Variants in ZNF76 observed in about 807,000 individuals in gnomAD.
ZNF76 encodes zinc finger protein 76.
In ZNF76, 66 loss-of-function variants were observed where a neutral mutation model predicts 66.9. That is an observed-to-expected ratio of 0.99 (90% CI 0.81 to 1.21). The LOEUF is 1.21. Among genes scored for constraint, ZNF76 ranks in the 50% most tolerant of loss-of-function variants. The pLI is 0.00. For missense variants in ZNF76, 729 were observed against 760.3 expected (o/e 0.96, Z 0.48); for synonymous variants, 275 against 296.1 (o/e 0.93, Z 0.73).
chr6:35,260,900 C>A (rs957046399), intron 1 of ZNF76, among the ~76,000 whole-genome samples: 5 of 152,164 alleles, frequency 3.3e-5, no homozygotes, highest in Admixed American at 2.0e-4. Flanking sequence ...CATCATGAAC[C>A]TTACTCCCTC....
At chr6:35,288,006 C>T in intron 5 of ZNF76, 161 bp downstream of exon 5, 3 of 808,434 alleles carry the variant, frequency 3.7e-6, no homozygotes, top group Middle Eastern at 2.2e-4. Context: ...CACCCCAGCT[C>T]CCCCAACTCA....
chr6:35,262,361 C>A (rs1403086767), intron 1 of ZNF76, among the ~76,000 whole-genome samples: 4 of 152,160 alleles, frequency 2.6e-5, no homozygotes, highest in African/African-American at 9.7e-5. Flanking sequence ...GTGAGAGTGA[C>A]CTTCCTACTG....
chr6:35,261,597 A>G (rs1785262875), intron 1 of ZNF76, among the ~76,000 whole-genome samples: 1 of 151,700 alleles, frequency 6.6e-6, no homozygotes. Flanking sequence ...CCCACAGTTT[A>G]AAAAAACAAA....
intron 11 of ZNF76, among the ~76,000 whole-genome samples, chr6:35,293,449 C>T (rs1790735048): frequency 6.6e-6 from 1 of 152,160 alleles, no homozygotes; most frequent in Admixed American, 6.5e-5. Flanking sequence ...CGTACCCTTG[C>T]TAGAAAGTAC....
chr6:35,293,727 C>G (rs1790770122), intron 11 of ZNF76, 24 bp from the exon 12 acceptor site: 1 of 1,610,852 alleles, frequency 6.2e-7, no homozygotes, highest in Non-Finnish European at 8.5e-7. Context: ...ACACTGCCAG[C>G]TCATCTTCCC....
chr6:35,294,492 G>C lies in ZNF76; in HGVS notation c.1531G>C (p.Asp511His). The change falls in exon 13 of 14, where the codon GAC becomes CAC. Residue 511 changes from aspartate to histidine, a missense_variant. By Grantham distance (81) the Asp-to-His change is moderately conservative. Transcript: ENST00000373953. ...IITSGAVVAE[D>H]SSVASLRHQQ... ...TACCTCTGGGGCTGTGGTGGCTGAG[G>C]ACTCAAGTGTAGCATCTCTTCGTCA... 1 of 1,614,074 alleles carries C rather than the reference G, an allele frequency of 6.2e-7. No homozygotes were observed. Among genetic ancestry groups the C allele is most frequent in the Middle Eastern group, 1.7e-4 (1 of 6,058 alleles).
At chr6:35,276,963 A>ATT (rs11439435) in intron 1 of ZNF76, among the ~76,000 whole-genome samples, 228 of 141,346 alleles carry the variant, frequency 1.6e-3, no homozygotes, top group East Asian at 5.8e-3. Context: ...TAATTTTTGT[A>ATT]TTTTTTTTTT....
chr6:35,290,781 C>G, intron 7 of ZNF76, 65 bp downstream of exon 7: 1 of 1,488,250 alleles, frequency 6.7e-7, no homozygotes, highest in Non-Finnish European at 9.4e-7. Context: ...TGGGACCTCT[C>G]TGAAGGGAAC....
At chr6:35,284,330 G>T (rs1055431863) in intron 2 of ZNF76, among the ~76,000 whole-genome samples, 1 of 152,054 alleles carries the variant, frequency 6.6e-6, no homozygotes, top group African/African-American at 2.4e-5. Context: ...CCGACCTCAG[G>T]TTATCCGCCT....
chr6:35,295,362 CTG>C lies in ZNF76; in HGVS notation c.*115_*116del. 1 of 900,662 alleles carries C rather than the reference CTG, an allele frequency of 1.1e-6. No homozygotes were observed. The highest frequency in any genetic ancestry group is 1.6e-5 in the African/African-American group (1 of 60,908). 55.8% of individuals were successfully genotyped at this position (900,662 alleles called of 1,614,324 possible). On this transcript the variant is annotated 3_prime_UTR_variant, in exon 14 of 14. Coordinates refer to ENST00000373953, the MANE Select transcript of ZNF76 (RefSeq NM_003427.5). ...ACATAGAAGGTGGCCACATAGGTCT[CTG>C]GGGTGAGAAGACAGCAAGAAAACTG...
intron 1 of ZNF76, among the ~76,000 whole-genome samples, chr6:35,273,931 A>G (rs1787517828): frequency 6.6e-6 from 1 of 152,190 alleles, no homozygotes; most frequent in Admixed American, 6.5e-5. Context: ...TTTAAAACTT[A>G]TGTTAGTGCA....
intron 1 of ZNF76, among the ~76,000 whole-genome samples, chr6:35,261,041 T>G (rs1785175056): frequency 6.6e-6 from 1 of 152,186 alleles, no homozygotes; most frequent in African/African-American, 2.4e-5. Context: ...ATAACAAACC[T>G]AGGTTCCAGA....
At chr6:35,291,837 C>T (rs1562130810) in intron 9 of ZNF76, 100 bp downstream of exon 9, 1 of 1,411,950 alleles carries the variant, frequency 7.1e-7, no homozygotes, top group Non-Finnish European at 9.7e-7. Flanking sequence ...AGCCCAGAAC[C>T]CTTCTGTGCC....
chr6:35,260,948 C>T (rs1349301877), intron 1 of ZNF76, among the ~76,000 whole-genome samples: 2 of 152,200 alleles, frequency 1.3e-5, no homozygotes, highest in Non-Finnish European at 2.9e-5. Context: ...ATAGTGCATA[C>T]CCATTTCCCT....
In ZNF76 at chr6:35,294,561, G is replaced by A; in HGVS notation, c.1600G>A (p.Ala534Thr). 2 of 1,611,600 alleles carry A rather than the reference G, an allele frequency of 1.2e-6. No homozygotes were observed. The highest frequency in any genetic ancestry group is 1.7e-6 in the Non-Finnish European group (2 of 1,177,664). Residue 534 changes from alanine (A) to threonine (T), a missense_variant, in exon 13 of 14, where the codon GCA becomes ACA. Coordinates refer to ENST00000373953, the MANE Select transcript of ZNF76 (RefSeq NM_003427.5). ...GGCCACAGCCAACGGAACGCACATT[G>A]CAGTGCAGGTGAGTAGAGATCTGGG... is the stretch of plus-strand genomic sequence containing the variant. Reference protein sequence around the residue: ...LLATANGTHIAVQLEEQQTLE... With the variant: ...LLATANGTHITVQLEEQQTLE...
At chr6:35,285,660 C>CTA (rs1789456060) in intron 2 of ZNF76, among the ~76,000 whole-genome samples, 1 of 152,210 alleles carries the variant, frequency 6.6e-6, no homozygotes, top group Non-Finnish European at 1.5e-5. Context: ...AACCATTAAG[C>CTA]TATATATCCT....
Position 35,286,415 on chromosome 6 carries a change from T to G in ZNF76, c.232+16T>G. On this transcript the variant is annotated intron_variant, in intron 4 of 13. Transcript: ENST00000373953. ...ACACCCAGAGGTAGGGTCACCATCATCACAACTCGGGGAAGGATGGGAGGC... is the reference window on the plus strand; with the variant it reads ...ACACCCAGAGGTAGGGTCACCATCAGCACAACTCGGGGAAGGATGGGAGGC... The G allele has an allele frequency of 6.2e-7, 1 of 1,612,948 alleles. No individual in the cohort carries two copies. The highest frequency in any genetic ancestry group is 1.3e-5 in the African/African-American group (1 of 75,014).
At chr6:35,282,121 G>A (rs532847460) in intron 2 of ZNF76, among the ~76,000 whole-genome samples, 14 of 152,064 alleles carry the variant, frequency 9.2e-5, no homozygotes, top group East Asian at 3.9e-4. Flanking sequence ...TTGTAGGGAC[G>A]TATGTATACC....
chr6:35,293,150 C>T, intron 11 of ZNF76, 106 bp downstream of exon 11: 1 of 1,381,826 alleles, frequency 7.2e-7, no homozygotes. Flanking sequence ...CACCCAGCTT[C>T]TTGTTTAAGT....
Sources: allele counts gnomAD v4.1 joint callset (sites outside exome capture counted in the v4.1 genomes callset), GRCh38; gene constraint gnomAD v4.1.1; transcripts MANE v1.5; gene names NCBI Gene and HGNC (gene_info 2026-07-23, HGNC 2026-07-21).